COMMD10: variants seen among roughly 807,000 people sequenced by gnomAD.
COMMD10 encodes COMM domain-containing protein 10.
A neutral mutation model predicts 28.9 loss-of-function variants in COMMD10; 33 were observed. The observed-to-expected ratio is 1.14, with a 90% CI of 0.87 to 1.53. The LOEUF is 1.53. Among genes scored for constraint, COMMD10 ranks in the 40% most tolerant of loss-of-function variants. The pLI is 0.00. For synonymous variants in COMMD10, 110 were observed against 81.7 expected, an observed-to-expected ratio of 1.35 and a Z score of -1.87; for missense variants, 310 against 233.4, an observed-to-expected ratio of 1.33 and a Z score of -2.14.
intron 5 of COMMD10, among the ~76,000 whole-genome samples, chr5:116,150,447 A>C (rs149263341): frequency 0.019 from 2,957 of 152,074 alleles, 91 homozygotes; most frequent in African/African-American, 0.062. Context: ...TTACCTTGGG[A>C]AGTATGGCTA....
intron 4 of COMMD10, among the ~76,000 whole-genome samples, chr5:116,124,250 G>C (rs928200323): frequency 7.2e-5 from 11 of 152,146 alleles, no homozygotes; most frequent in African/African-American, 2.7e-4. Context: ...TTGTGTCCCA[G>C]AGATTCTGGT....
intron 4 of COMMD10, among the ~76,000 whole-genome samples, chr5:116,130,621 A>G (rs147393455): frequency 6.6e-6 from 1 of 152,044 alleles, no homozygotes; most frequent in African/African-American, 2.4e-5. Context: ...TTTCTGAGAC[A>G]AGTTTCTATA....
At chr5:116,211,880 T>C (rs1219748181) in intron 5 of COMMD10, among the ~76,000 whole-genome samples, 1 of 152,120 alleles carries the variant, frequency 6.6e-6, no homozygotes, top group African/African-American at 2.4e-5. Flanking sequence ...TACAAAACAA[T>C]GAAGTGTGAT....
chr5:116,187,200 A>G (rs1313740815), intron 5 of COMMD10, among the ~76,000 whole-genome samples: 13 of 152,180 alleles, frequency 8.5e-5, no homozygotes. Flanking sequence ...GACCCTTTTC[A>G]GCTCCTAATG....
intron 4 of COMMD10, among the ~76,000 whole-genome samples, chr5:116,101,065 A>G (rs1407372368): frequency 1.3e-5 from 2 of 152,172 alleles, no homozygotes; most frequent in African/African-American, 2.4e-5. Context: ...GCTGCAAAAG[A>G]TATGATTCTG....
intron 5 of COMMD10, among the ~76,000 whole-genome samples, chr5:116,228,370 T>C (rs1749446962): frequency 1.3e-5 from 2 of 151,992 alleles, no homozygotes; most frequent in Admixed American, 1.3e-4. Context: ...TAAAATTTTA[T>C]TCACATTGTT....
intron 5 of COMMD10, among the ~76,000 whole-genome samples, chr5:116,277,633 T>C (rs1750955394): frequency 6.6e-6 from 1 of 151,904 alleles, no homozygotes; most frequent in Non-Finnish European, 1.5e-5. Context: ...CCTTCATAAC[T>C]TGAGGTAAAT....
intron 5 of COMMD10, among the ~76,000 whole-genome samples, chr5:116,176,275 CT>C (rs1334833453): frequency 2.0e-5 from 3 of 152,120 alleles, no homozygotes; most frequent in Non-Finnish European, 4.4e-5. Flanking sequence ...CCACGCCTAG[CT>C]GATTGTTTTT....
chr5:116,167,524 A>G (rs1753166247), intron 5 of COMMD10, among the ~76,000 whole-genome samples: 1 of 152,152 alleles, frequency 6.6e-6, no homozygotes, highest in Admixed American at 6.5e-5. Context: ...GAGAAGAGCA[A>G]CCCCAAGACA....
intron 5 of COMMD10, among the ~76,000 whole-genome samples, chr5:116,274,938 T>C (rs1719980343): frequency 6.6e-6 from 1 of 151,782 alleles, no homozygotes; most frequent in South Asian, 2.1e-4. Flanking sequence ...CTAATTTAAA[T>C]ACTGAGTTTG....
chr5:116,112,856 G>A (rs1463777474), intron 4 of COMMD10, among the ~76,000 whole-genome samples: 1 of 151,940 alleles, frequency 6.6e-6, no homozygotes, highest in Non-Finnish European at 1.5e-5. Context: ...TTTATGGTTT[G>A]TTGGAATTCT....
At chr5:116,248,445 C>G (rs1279186804) in intron 5 of COMMD10, among the ~76,000 whole-genome samples, 1 of 151,948 alleles carries the variant, frequency 6.6e-6, no homozygotes, top group Non-Finnish European at 1.5e-5. Flanking sequence ...AACAAAGACT[C>G]CGGAAAGGTA....
chr5:116,266,256 C>A (rs74660138), intron 5 of COMMD10, among the ~76,000 whole-genome samples: 2,438 of 151,522 alleles, frequency 0.016, 106 homozygotes, highest in African/African-American at 0.055. Context: ...GAATGTAATG[C>A]ATGTTTTCAT....
chr5:116,281,143 A>G (rs1341782721), intron 5 of COMMD10, among the ~76,000 whole-genome samples: 1 of 151,796 alleles, frequency 6.6e-6, no homozygotes, highest in African/African-American at 2.4e-5. Context: ...CCTAGTTTAT[A>G]TCTGTATTAT....
intron 5 of COMMD10, among the ~76,000 whole-genome samples, chr5:116,141,280 C>A (rs946140289): frequency 6.6e-6 from 1 of 151,478 alleles, no homozygotes; most frequent in African/African-American, 2.4e-5. Flanking sequence ...TTCCTTTTGT[C>A]TGTGTATCTG....
chr5:116,265,649 A>C (rs1309162472), intron 5 of COMMD10, among the ~76,000 whole-genome samples: 1 of 151,864 alleles, frequency 6.6e-6, no homozygotes, highest in African/African-American at 2.4e-5. Context: ...CATGTGGAAC[A>C]TAAAAAATGA....
At position 116,291,595 on chromosome 5, in the gene COMMD10, A is replaced by T. The variant is rs747483110; in HGVS notation, c.570+19A>T. On this transcript the variant is annotated intron_variant, in intron 6 of 6. Transcript: ENST00000274458. Reference sequence around the variant, plus strand: ...TAACAAGGTCTGTATTTTTAAAATAATTTTCTAATATGTGGAGTTTTTTTC... The same window carrying T: ...TAACAAGGTCTGTATTTTTAAAATATTTTTCTAATATGTGGAGTTTTTTTC... 20 of 1,358,208 alleles carry T rather than the reference A, an allele frequency of 1.5e-5. No homozygotes were observed. Among genetic ancestry groups the T allele is most frequent in the Non-Finnish European group, 2.1e-6 (2 of 973,346 alleles). 84.1% of individuals were successfully genotyped at this position (1,358,208 alleles called of 1,614,324 possible).
At chr5:116,228,862 T>C (rs924380158) in intron 5 of COMMD10, among the ~76,000 whole-genome samples, 2 of 151,970 alleles carry the variant, frequency 1.3e-5, no homozygotes, top group African/African-American at 2.4e-5. Context: ...CAAAGAAAAA[T>C]TACTGAAATA....
At position 116,240,819 on chromosome 5, in the gene COMMD10, G is replaced by A. The variant is rs192445505; in HGVS notation, c.511-50698G>A. Among the ~76,000 whole-genome samples the A allele has an allele frequency of 6.6e-5, 10 of 152,292 alleles. 1 individual carries two copies. In the East Asian group the frequency reaches 1.9e-3, roughly 29 times the overall value. ...GCCAAGTGGTGATTTCGAACTTGTA[G>A]CTATTGTTCTAATATGATGGGTAAT... On this transcript the variant is annotated intron_variant, in intron 5 of 6. Coordinates refer to ENST00000274458, the MANE Select transcript of COMMD10 (RefSeq NM_016144.4).
Sources: gnomAD v4.1 joint callset for allele counts (sites outside exome capture counted in the v4.1 genomes callset) on GRCh38, gnomAD v4.1.1 for gene constraint, MANE v1.5 for transcripts, NCBI Gene and HGNC (gene_info 2026-07-23, HGNC 2026-07-21) for gene names.